SH3RF1: variants seen among roughly 807,000 people sequenced by gnomAD.
The protein encoded by SH3RF1 is E3 ubiquitin-protein ligase SH3RF1.
A neutral mutation model predicts 74.0 loss-of-function variants in SH3RF1; 32 were observed. The observed-to-expected ratio is 0.43, with a 90% CI of 0.33 to 0.58. The LOEUF (loss-of-function observed/expected upper bound fraction) is 0.58. Ranked by LOEUF, SH3RF1 falls within the 20% of genes least tolerant of loss-of-function variation. The probability of loss-of-function intolerance (pLI) is 0.05; values close to 1 mark genes in which losing one functional copy is unlikely to be tolerated. For missense variants in SH3RF1, 954 were observed against 1,130.9 expected (o/e 0.84, Z 2.24); for synonymous variants, 396 against 439.6 (o/e 0.90, Z 1.24).
chr4:169,145,136 C>T (rs541432393), intron 4 of SH3RF1, among the ~76,000 whole-genome samples: 37 of 152,194 alleles, frequency 2.4e-4, no homozygotes, highest in African/African-American at 6.7e-4. Flanking sequence ...TGTACTTGTA[C>T]GTTTATTGCA....
At chr4:169,243,773 T>G (rs545221287) in intron 2 of SH3RF1, among the ~76,000 whole-genome samples, 1 of 152,356 alleles carries the variant, frequency 6.6e-6, no homozygotes, top group African/African-American at 2.4e-5. Flanking sequence ...CTATTTGAAC[T>G]TTTTAGAATC....
chr4:169,247,111 T>C (rs904848850), intron 2 of SH3RF1, among the ~76,000 whole-genome samples: 1 of 152,188 alleles, frequency 6.6e-6, no homozygotes, highest in African/African-American at 2.4e-5. Flanking sequence ...CATGATGTGC[T>C]CACTGGGAAA....
At chr4:169,153,848 T>C (rs1734010522) in intron 4 of SH3RF1, among the ~76,000 whole-genome samples, 1 of 152,236 alleles carries the variant, frequency 6.6e-6, no homozygotes. Flanking sequence ...GAAGTTTATC[T>C]TTCCAACTTA....
chr4:169,113,503 G>A (rs976633611), intron 10 of SH3RF1, among the ~76,000 whole-genome samples: 1 of 152,156 alleles, frequency 6.6e-6, no homozygotes, highest in Non-Finnish European at 1.5e-5. Flanking sequence ...CATTTAGAAA[G>A]GGAAATAAAA....
At chr4:169,224,410 T>C (rs997421572) in intron 2 of SH3RF1, among the ~76,000 whole-genome samples, 13 of 151,808 alleles carry the variant, frequency 8.6e-5, no homozygotes, top group Non-Finnish European at 1.2e-4. Flanking sequence ...CTCCACCTCC[T>C]GGGTTCAAGT....
intron 2 of SH3RF1, among the ~76,000 whole-genome samples, chr4:169,163,854 T>C (rs547663726): frequency 6.6e-6 from 1 of 152,226 alleles, no homozygotes; most frequent in Non-Finnish European, 1.5e-5. Context: ...ATAATTATGC[T>C]GCATTTCTTT....
intron 2 of SH3RF1, among the ~76,000 whole-genome samples, chr4:169,228,808 C>A (rs1730690440): frequency 6.6e-6 from 1 of 152,170 alleles, no homozygotes; most frequent in South Asian, 2.1e-4. Flanking sequence ...ATACCACACC[C>A]ATACCCAAAA....
intron 5 of SH3RF1, among the ~76,000 whole-genome samples, chr4:169,135,968 G>A (rs1165354546): frequency 1.3e-5 from 2 of 152,190 alleles, no homozygotes; most frequent in African/African-American, 4.8e-5. Flanking sequence ...AAATCTGGGT[G>A]GAGATAAAGT....
chr4:169,136,245 T>C, intron 5 of SH3RF1, 73 bp downstream of exon 5: 1 of 1,313,356 alleles, frequency 7.6e-7, no homozygotes, highest in Non-Finnish European at 9.9e-7. Flanking sequence ...TGTCAGCCAG[T>C]GAGCAAACAT....
At chr4:169,158,110 T>C (rs957887500) in intron 2 of SH3RF1, among the ~76,000 whole-genome samples, 57 of 152,330 alleles carry the variant, frequency 3.7e-4, no homozygotes, top group African/African-American at 1.3e-3. Context: ...GTTCTTTTCT[T>C]AAAGGATATT....
rs555967470 is a variant in SH3RF1, at chr4:169,222,883, G to A, written c.393+45937C>T. 5.9e-5 allele frequency among the ~76,000 whole-genome samples: 9 copies of A among 152,294 alleles called. No individual in the cohort carries two copies. The South Asian group carries it at 1.0e-3, about 18-fold the overall frequency. ...AGAAAACTCAGTTCTAAAATGGCAA[G>A]TTCTCAGCTGTCTATGAAGCCAAAT... is the stretch of plus-strand genomic sequence containing the variant. On this transcript the variant is annotated intron_variant, in intron 2 of 11. Coordinates refer to ENST00000284637, the MANE Select transcript of SH3RF1 (RefSeq NM_020870.4).
At chr4:169,185,148 A>G (rs1268919204) in intron 2 of SH3RF1, among the ~76,000 whole-genome samples, 3 of 152,312 alleles carry the variant, frequency 2.0e-5, no homozygotes, top group African/African-American at 7.2e-5. Context: ...TTGTTCAATC[A>G]TCCCACAAAT....
intron 2 of SH3RF1, among the ~76,000 whole-genome samples, chr4:169,253,607 A>ATGT (rs1731138076): frequency 6.6e-6 from 1 of 152,136 alleles, no homozygotes; most frequent in Non-Finnish European, 1.5e-5. Flanking sequence ...AGGATTCAAA[A>ATGT]TGTAGAGGTG....
chr4:169,250,800 T>A (rs1186356659), intron 2 of SH3RF1, among the ~76,000 whole-genome samples: 2 of 150,008 alleles, frequency 1.3e-5, no homozygotes, highest in African/African-American at 2.5e-5. Flanking sequence ...GGCAGTAGAG[T>A]GAGGGGTGGG....
In SH3RF1 at chr4:169,163,798, C is replaced by T. The variant is rs188786335; in HGVS notation, c.394-7119G>A. 6.1e-3 allele frequency among the ~76,000 whole-genome samples: 931 copies of T among 152,266 alleles called. 8 individuals are homozygous for T. Among genetic ancestry groups the T allele is most frequent in the Non-Finnish European group, 7.7e-3 (523 of 68,018 alleles). ...CCACCAAAATTCATCGAGAACAGTC[C>T]ATTTCTCCCTCCACCTCCCCACCTT... On this transcript the variant is annotated intron_variant, in intron 2 of 11. Transcript: ENST00000284637.
chr4:169,139,983 C>A (rs1375619388), intron 4 of SH3RF1, among the ~76,000 whole-genome samples: 1 of 152,164 alleles, frequency 6.6e-6, no homozygotes, highest in East Asian at 1.9e-4. Flanking sequence ...CTCTAAATAG[C>A]CTAGCATATT....
Position 169,130,070 on chromosome 4 carries a change from A to C in SH3RF1, c.1155T>G (p.Asp385Glu). The C allele has an allele frequency of 6.2e-7, 1 of 1,613,778 alleles. No homozygotes were observed. Among genetic ancestry groups the C allele is most frequent in the Non-Finnish European group, 8.5e-7 (1 of 1,179,910 alleles). Residue 385 changes from aspartate (D) to glutamate (E), a missense_variant, in exon 6 of 12, where the codon GAT becomes GAG. Transcript: ENST00000284637. ...CTCCAAGGGCAGCTTGGTAGGGAACATCTGATGGGAAAGTAAACGAGGGGC... is the reference window on the plus strand; with the variant it reads ...CTCCAAGGGCAGCTTGGTAGGGAACCTCTGATGGGAAAGTAAACGAGGGGC... ...TTGPSFTFPS[D>E]VPYQAALGTL... is the part of the protein sequence containing the mutation.
At chr4:169,228,039 AT>A (rs1344885787) in intron 2 of SH3RF1, among the ~76,000 whole-genome samples, 2 of 152,122 alleles carry the variant, frequency 1.3e-5, no homozygotes, top group African/African-American at 4.8e-5. Flanking sequence ...TTTAACTACT[AT>A]TTTTGTTCAC....
intron 2 of SH3RF1, among the ~76,000 whole-genome samples, chr4:169,226,999 T>A (rs1333195588): frequency 1.8e-4 from 27 of 152,122 alleles, no homozygotes; most frequent in African/African-American, 6.3e-4. Context: ...AGACCCCATC[T>A]CTATAAAAAG....
Sources: gnomAD v4.1 joint callset for allele counts (sites outside exome capture counted in the v4.1 genomes callset) on GRCh38, gnomAD v4.1.1 for gene constraint, MANE v1.5 for transcripts, NCBI Gene and HGNC (gene_info 2026-07-23, HGNC 2026-07-21) for gene names.